Variants in IGF1R observed in about 807,000 individuals in gnomAD.
IGF1R encodes insulin-like growth factor 1 receptor.
In IGF1R, 44 loss-of-function variants were observed where a neutral mutation model predicts 144.6. The observed-to-expected ratio is 0.30, with a 90% CI of 0.24 to 0.39. IGF1R has a LOEUF of 0.39. IGF1R is among the 10% of genes least tolerant of loss of function. The pLI, the probability that IGF1R is intolerant of heterozygous loss-of-function variation, is 1.00. For synonymous variants in IGF1R, 795 were observed against 722.8 expected (o/e 1.10, Z -1.60); for missense variants, 1,355 against 1,833.7 (o/e 0.74, Z 4.77).
At chr15:98,876,808 A>G (rs559460039) in intron 2 of IGF1R, among the ~76,000 whole-genome samples, 2 of 152,302 alleles carry the variant, frequency 1.3e-5, no homozygotes, top group African/African-American at 4.8e-5. Context: ...TCTGTTAACG[A>G]GAATGTATGA....
intron 2 of IGF1R, among the ~76,000 whole-genome samples, chr15:98,716,798 G>GA (rs2054127996): frequency 9.4e-5 from 1 of 10,690 alleles, no homozygotes; most frequent in South Asian, 2.0e-3. Context: ...CTTAGGCAGG[G>GA]AAGGTGACCA....
rs1422947217 is a variant in IGF1R, at chr15:98,934,873, C to G, written c.3006C>G (p.Ser1002Arg). 1 of 1,613,976 alleles carries G rather than the reference C, an allele frequency of 6.2e-7. No homozygotes were observed. The highest frequency in any genetic ancestry group is 8.5e-7 in the Non-Finnish European group (1 of 1,180,044). Residue 1002 changes from serine to arginine, a missense_variant, in exon 16 of 21, where the codon AGC (serine) becomes AGG (arginine). Around this residue, in one of 7 missense-constraint regions of IGF1R, gnomAD observed 880 missense variants for 1,202.7 expected, o/e 0.73. Coordinates refer to ENST00000650285, the MANE Select transcript of IGF1R (RefSeq NM_000875.5). ...WEVAREKITM[S>R]RELGQGSFGM... ...TGGCTCGGGAGAAGATCACCATGAG[C>G]CGGGAACTTGGGCAGGGGTCGTTTG...
chr15:98,751,094 T>C (rs1048370793), intron 2 of IGF1R, among the ~76,000 whole-genome samples: 7 of 152,238 alleles, frequency 4.6e-5, no homozygotes, highest in Non-Finnish European at 7.3e-5. Flanking sequence ...CCCGGCCTTC[T>C]TCTAGATGTT....
At chr15:98,825,554 G>A (rs925733761) in intron 2 of IGF1R, among the ~76,000 whole-genome samples, 2 of 152,144 alleles carry the variant, frequency 1.3e-5, no homozygotes, top group Middle Eastern at 3.2e-3. Context: ...GAACCCTATT[G>A]TGAACTGAAC....
intron 2 of IGF1R, among the ~76,000 whole-genome samples, chr15:98,869,972 C>G (rs1310664657): frequency 1.3e-5 from 2 of 151,910 alleles, no homozygotes; most frequent in Admixed American, 6.5e-5. Context: ...GTGTGCATTA[C>G]AAGTATATAC....
chr15:98,864,592 C>G (rs1281046914), intron 2 of IGF1R, among the ~76,000 whole-genome samples: 1 of 152,176 alleles, frequency 6.6e-6, no homozygotes, highest in African/African-American at 2.4e-5. Flanking sequence ...GTCTGTGTTG[C>G]CCAGGTCCCT....
rs2151682973 is a variant in IGF1R, at chr15:98,916,774, G to A, written c.2099G>A (p.Cys700Tyr). The change falls in exon 10 of 21, where the codon TGC becomes TAC. Residue 700 changes from cysteine to tyrosine, a missense_variant. Coordinates refer to ENST00000650285, the MANE Select transcript of IGF1R (RefSeq NM_000875.5). ...EVCGGEKGPC[C>Y]ACPKTEAEKQ... is the part of the protein sequence containing the mutation. ...TGTGGTGGGGAGAAAGGGCCTTGCT[G>A]CGCCTGCCCCAAAACTGAAGCCGAG... 1 of 1,614,022 alleles carries A rather than the reference G, an allele frequency of 6.2e-7. No homozygotes were observed. Among genetic ancestry groups the A allele is most frequent in the Non-Finnish European group, 8.5e-7 (1 of 1,179,982 alleles).
At chr15:98,725,280 T>C (rs572459578) in intron 2 of IGF1R, among the ~76,000 whole-genome samples, 36 of 152,232 alleles carry the variant, frequency 2.4e-4, no homozygotes, top group Middle Eastern at 3.2e-3. Context: ...TCCAAGATTT[T>C]TACATGATTT....
At chr15:98,769,616 G>A (rs1305189923) in intron 2 of IGF1R, among the ~76,000 whole-genome samples, 3 of 152,168 alleles carry the variant, frequency 2.0e-5, no homozygotes, top group Non-Finnish European at 4.4e-5. Context: ...AATTAAAACT[G>A]AAGTCCACAT....
At chr15:98,804,109 C>T (rs372976814) in intron 2 of IGF1R, among the ~76,000 whole-genome samples, 27 of 152,312 alleles carry the variant, frequency 1.8e-4, no homozygotes, top group African/African-American at 6.0e-4. Context: ...ATCTTTGAAA[C>T]GCTGTTAGCT....
At position 98,653,797 on chromosome 15, in the gene IGF1R, TC is replaced by T. The variant is rs112352705; in HGVS notation, c.94+4123del. On this transcript the variant is annotated intron_variant, in intron 1 of 20. Transcript: ENST00000650285. ...TCCTGCCCTTCCTATTGTTGCAAGA[TC>T]AGGGCAGTAATGAAAATCAACTGTA... is the stretch of plus-strand genomic sequence containing the variant. Among the ~76,000 whole-genome samples the T allele has an allele frequency of 8.2e-3, 1,255 of 152,370 alleles. 17 individuals carry two copies. Among genetic ancestry groups the T allele is most frequent in the African/African-American group, 0.028 (1,171 of 41,584 alleles).
intron 1 of IGF1R, among the ~76,000 whole-genome samples, chr15:98,663,457 A>G (rs2141181034): frequency 6.6e-6 from 1 of 152,354 alleles, no homozygotes; most frequent in Non-Finnish European, 1.5e-5. Flanking sequence ...AGAAAAGTGG[A>G]GGAACTGTCA....
chr15:98,797,180 G>A (rs61058529), intron 2 of IGF1R, among the ~76,000 whole-genome samples: 1,900 of 152,320 alleles, frequency 0.012, 45 homozygotes, highest in African/African-American at 0.042. Context: ...GCAGTCTTGC[G>A]GGGTGATTTT....
At chr15:98,713,722 T>C (rs1033384704) in intron 2 of IGF1R, among the ~76,000 whole-genome samples, 3 of 152,212 alleles carry the variant, frequency 2.0e-5, no homozygotes, top group African/African-American at 7.2e-5. Context: ...GTTTGCTTGC[T>C]GTGGAGGCTT....
At chr15:98,730,822 C>T (rs911771123) in intron 2 of IGF1R, among the ~76,000 whole-genome samples, 17 of 151,848 alleles carry the variant, frequency 1.1e-4, no homozygotes, top group African/African-American at 3.4e-4. Flanking sequence ...GATACCTTCC[C>T]GTATTTTTTT....
chr15:98,899,678 A>G, intron 5 of IGF1R, 57 bp downstream of exon 5: 2 of 1,569,344 alleles, frequency 1.3e-6, no homozygotes, highest in Non-Finnish European at 1.8e-6. Flanking sequence ...CAGCGTGCTT[A>G]TGAAACTGTG....
intron 2 of IGF1R, among the ~76,000 whole-genome samples, chr15:98,832,313 CT>C (rs930801350): frequency 6.6e-6 from 1 of 152,164 alleles, no homozygotes; most frequent in African/African-American, 2.4e-5. Flanking sequence ...CAGCTACACT[CT>C]TGGGTGCAGG....
At chr15:98,882,829 C>T (rs2013447757) in intron 2 of IGF1R, among the ~76,000 whole-genome samples, 1 of 152,194 alleles carries the variant, frequency 6.6e-6, no homozygotes, top group South Asian at 2.1e-4. Flanking sequence ...TCCTTGTACA[C>T]ACTGGACTTG....
intron 2 of IGF1R, among the ~76,000 whole-genome samples, chr15:98,796,042 C>T (rs908920110): frequency 3.3e-5 from 5 of 152,230 alleles, no homozygotes; most frequent in African/African-American, 1.2e-4. Context: ...CTCCATCTGG[C>T]TGATCCCAGG....
Sources: gnomAD v4.1 joint callset for allele counts (sites outside exome capture counted in the v4.1 genomes callset) on GRCh38, gnomAD v4.1.1 for gene constraint, gnomAD v4.1.1 regional missense constraint, MANE v1.5 for transcripts, NCBI Gene and HGNC (gene_info 2026-07-23, HGNC 2026-07-21) for gene names.